The following CHD9 variants were observed in gnomAD, a reference collection of about 807,000 sequenced individuals.
CHD9 encodes the protein ATP-dependent chromatin remodeler CHD9.
Under a neutral mutation model 316.1 loss-of-function variants are expected in CHD9, and 77 were observed. The observed-to-expected ratio is 0.24, with a 90% confidence interval of 0.20 to 0.29. The LOEUF (loss-of-function observed/expected upper bound fraction) is 0.29, where lower values mean the gene tolerates loss of function less well. CHD9 is among the 10% of genes least tolerant of loss of function. The pLI is 1.00. For synonymous variants in CHD9, 1,129 were observed against 1,158.3 expected (o/e 0.97, Z 0.51); for missense variants, 2,763 against 3,438.1 (o/e 0.80, Z 4.91).
chr16:53,148,613 A>T (rs1230017373), intron 1 of CHD9, among the ~76,000 whole-genome samples: 1 of 152,200 alleles, frequency 6.6e-6, no homozygotes, highest in Non-Finnish European at 1.5e-5. Flanking sequence ...GAGTGTCTTC[A>T]TGTCCTCCTT....
chr16:53,281,939 A>G (rs1362216626), intron 24 of CHD9, among the ~76,000 whole-genome samples: 1 of 152,186 alleles, frequency 6.6e-6, no homozygotes, highest in African/African-American at 2.4e-5. Flanking sequence ...ACTACTTAAA[A>G]ATTACGTTAA....
chr16:53,070,844 G>C (rs191742450), intron 1 of CHD9, among the ~76,000 whole-genome samples: 1 of 152,062 alleles, frequency 6.6e-6, no homozygotes, highest in Non-Finnish European at 1.5e-5. Flanking sequence ...ATGAGCCACC[G>C]CACCTGGCCA....
At chr16:53,094,961 T>C (rs935519693) in intron 1 of CHD9, among the ~76,000 whole-genome samples, 2 of 152,270 alleles carry the variant, frequency 1.3e-5, no homozygotes, top group Non-Finnish European at 2.9e-5. Flanking sequence ...TTACTGAATT[T>C]AAGTGCTTAG....
At chr16:53,230,843 G>T (rs1261248430) in intron 8 of CHD9, among the ~76,000 whole-genome samples, 3 of 152,130 alleles carry the variant, frequency 2.0e-5, no homozygotes, top group Non-Finnish European at 4.4e-5. Context: ...CGATGTAGAG[G>T]GTAAAGAAAA....
rs765389436 is a variant in CHD9, at chr16:53,303,749, C to T, written c.5743C>T (p.Pro1915Ser). The T allele has an allele frequency of 3.1e-6, 5 of 1,610,476 alleles. No homozygotes were observed. The highest frequency in any genetic ancestry group is 4.2e-6 in the Non-Finnish European group (5 of 1,177,970). ...GGTGGATCCAAATATTTTTATCCAGCCCATCACAGAAGAACGTGCTTCTAG... is the reference window on the plus strand; with the variant it reads ...GGTGGATCCAAATATTTTTATCCAGTCCATCACAGAAGAACGTGCTTCTAG... ...ELVDPNIFIQ[P>S]ITEERASRTL... Residue 1915 changes from proline to serine, a missense_variant, in exon 31 of 39, where the codon CCC becomes TCC. This residue lies in a region of CHD9 where 663 missense variants were observed against 751.2 expected (regional missense o/e 0.88). Coordinates refer to ENST00000447540, the MANE Select transcript of CHD9 (RefSeq NM_001308319.2).
chr16:53,287,988 C>T lies in CHD9; in HGVS notation c.5221C>T (p.Pro1741Ser). The change falls in exon 27 of 39, where the codon CCA becomes TCA. Residue 1741 changes from proline (P) to serine (S), a missense_variant. By Grantham distance (74) the Pro-to-Ser change is moderately conservative. Around this residue, in one of 15 missense-constraint regions of CHD9, gnomAD observed 183 missense variants for 258.5 expected, o/e 0.71. Transcript: ENST00000447540. ...DVEDPEYKPA[P>S]AIFKDDIEDD... ...GGAAGATCCAGAATACAAACCTGCCCCAGCCATCTTTAAAGATGATATAGA... is the reference window on the plus strand; with the variant it reads ...GGAAGATCCAGAATACAAACCTGCCTCAGCCATCTTTAAAGATGATATAGA... The T allele has an allele frequency of 6.2e-7, 1 of 1,611,212 alleles. No individual in the cohort carries two copies. Among genetic ancestry groups the T allele is most frequent in the Non-Finnish European group, 8.5e-7 (1 of 1,177,430 alleles).
At position 53,155,961 on chromosome 16, in the gene CHD9, C is replaced by T; in HGVS notation, c.-129C>T. The T allele has an allele frequency of 2.6e-6, 2 of 778,746 alleles. No homozygotes were observed. Among genetic ancestry groups the T allele is most frequent in the Non-Finnish European group, 4.0e-6 (2 of 494,424 alleles). 48.2% of individuals were successfully genotyped at this position (778,746 alleles called of 1,614,324 possible). On this transcript the variant is annotated 5_prime_UTR_variant, in exon 2 of 39. An upstream open reading frame in the 5' UTR gains an earlier in-frame stop. Transcript: ENST00000447540. The stretch of plus-strand genomic sequence containing the variant: ...CTTCATGACATGTCATTATTTAGAG[C>T]AATAATGAATATTGACCTGTTTTGG...
chr16:53,295,464 A>G (rs1159612878), intron 29 of CHD9, among the ~76,000 whole-genome samples: 2 of 152,088 alleles, frequency 1.3e-5, no homozygotes, highest in African/African-American at 2.4e-5. Flanking sequence ...AGCTCACAGT[A>G]TTCTATTTTT....
chr16:53,150,661 A>G (rs1455799827), intron 1 of CHD9, among the ~76,000 whole-genome samples: 2 of 152,212 alleles, frequency 1.3e-5, no homozygotes, highest in Non-Finnish European at 2.9e-5. Flanking sequence ...CTTTTAGGGC[A>G]GTTCTACTAA....
Position 53,154,202 on chromosome 16 carries a change from T to A in CHD9, c.-164-1724T>A, listed in dbSNP as rs148576359. On this transcript the variant is annotated intron_variant, in intron 1 of 38. Coordinates refer to ENST00000447540, the MANE Select transcript of CHD9 (RefSeq NM_001308319.2). ...CTAATTTTTTGATAAAAAGTAAGAA[T>A]TCTAGATATCCTAAATTTAAATTTT... 2.3e-4 allele frequency among the ~76,000 whole-genome samples: 35 copies of A among 152,332 alleles called. No homozygotes were observed. The East Asian group carries it at 2.3e-3, about 10-fold the overall frequency.
chr16:53,307,023 G>T (rs934099799), intron 32 of CHD9, among the ~76,000 whole-genome samples: 2 of 151,918 alleles, frequency 1.3e-5, no homozygotes, highest in African/African-American at 4.8e-5. Flanking sequence ...CAAGTGATCC[G>T]CTTGCCTCGG....
At chr16:53,108,582 C>T (rs1774003797) in intron 1 of CHD9, among the ~76,000 whole-genome samples, 1 of 151,536 alleles carries the variant, frequency 6.6e-6, no homozygotes, top group Admixed American at 6.6e-5. Context: ...ATTATTAAAA[C>T]CTCTGTGTGG....
intron 20 of CHD9, among the ~76,000 whole-genome samples, chr16:53,266,730 A>G (rs1196344275): frequency 2.6e-5 from 4 of 152,214 alleles, no homozygotes; most frequent in Non-Finnish European, 5.9e-5. Context: ...AATAAAAAGT[A>G]TGTTAACATA....
chr16:53,113,359 TGGCAC>T (rs1171116793), intron 1 of CHD9, among the ~76,000 whole-genome samples: 6 of 144,228 alleles, frequency 4.2e-5, no homozygotes, highest in Non-Finnish European at 9.1e-5. Context: ...ACAAGAATCT[TGGCAC>T]TTTTTTTTTT....
At chr16:53,263,525 A>G (rs2051348856) in intron 20 of CHD9, among the ~76,000 whole-genome samples, 1 of 152,150 alleles carries the variant, frequency 6.6e-6, no homozygotes, top group Non-Finnish European at 1.5e-5. Flanking sequence ...CCCTTGAGCT[A>G]AGAAAAGGTC....
At position 53,121,021 on chromosome 16, in the gene CHD9, C is replaced by A. The variant is rs200198147; in HGVS notation, c.-164-34905C>A. On this transcript the variant is annotated intron_variant, in intron 1 of 38. Transcript: ENST00000447540. ...ACTCTTGTCTCAAAACAAACAAAAA[C>A]AAACAAACAAAAACCCTATAAACAT... Among the ~76,000 whole-genome samples the A allele has an allele frequency of 2.6e-5, 4 of 152,106 alleles. No individual in the cohort carries two copies. In the East Asian group the frequency reaches 5.8e-4, roughly 22 times the overall value.
At position 53,236,789 on chromosome 16, in the gene CHD9, A is replaced by G. The variant is rs1050258712; in HGVS notation, c.2633+1483A>G. ...CATTCCCCTCACTCTGAACTCCAACAGTTTCCACAGTGTGACTCTCTCCTA... is the reference window on the plus strand; with the variant it reads ...CATTCCCCTCACTCTGAACTCCAACGGTTTCCACAGTGTGACTCTCTCCTA... On this transcript the variant is annotated intron_variant, in intron 11 of 38. Transcript: ENST00000447540. Among the ~76,000 whole-genome samples, 7 of 151,976 alleles carry G rather than the reference A, an allele frequency of 4.6e-5. No homozygotes were observed. The East Asian group carries it at 5.8e-4, about 13-fold the overall frequency.
chr16:53,237,136 G>A (rs1323708328), intron 11 of CHD9, among the ~76,000 whole-genome samples: 3 of 152,150 alleles, frequency 2.0e-5, no homozygotes, highest in South Asian at 4.1e-4. Flanking sequence ...TTCTTCCTCT[G>A]TATTTTCCAT....
At chr16:53,320,931 A>G (rs2057234042) in intron 37 of CHD9, among the ~76,000 whole-genome samples, 1 of 152,204 alleles carries the variant, frequency 6.6e-6, no homozygotes, top group African/African-American at 2.4e-5. Flanking sequence ...GGCAAATTAT[A>G]TAAATTCTCT....
Sources: gnomAD v4.1 joint callset for allele counts (sites outside exome capture counted in the v4.1 genomes callset) on GRCh38, gnomAD v4.1.1 for gene constraint, gnomAD v4.1.1 regional missense constraint, MANE v1.5 for transcripts, NCBI Gene and HGNC (gene_info 2026-07-23, HGNC 2026-07-21) for gene names.